SRPK2: variants seen among roughly 807,000 people sequenced by gnomAD.
The protein encoded by SRPK2 is SRSF protein kinase 2.
SRPK2 carries 21 observed loss-of-function variants against 90.8 expected under a neutral mutation model. The ratio of observed to expected loss-of-function variants is 0.23; its 90% CI spans 0.16 to 0.33. The LOEUF (loss-of-function observed/expected upper bound fraction) is 0.33, where lower values mean the gene tolerates loss of function less well. Among genes scored for constraint, SRPK2 ranks in the 10% least tolerant of loss-of-function variants. The pLI, the probability that SRPK2 is intolerant of heterozygous loss-of-function variation, is 1.00. For missense variants in SRPK2, 620 were observed against 869.0 expected (o/e 0.71, Z 3.60); for synonymous variants, 288 against 311.1 (o/e 0.93, Z 0.78).
intron 2 of SRPK2, among the ~76,000 whole-genome samples, chr7:105,343,399 A>G (rs1254885121): frequency 2.0e-5 from 3 of 152,102 alleles, no homozygotes; most frequent in Non-Finnish European, 4.4e-5. Context: ...TCACCAATGT[A>G]CTCCAGCCTG....
intron 2 of SRPK2, among the ~76,000 whole-genome samples, chr7:105,233,281 G>C (rs1799743153): frequency 6.6e-6 from 1 of 152,154 alleles, no homozygotes; most frequent in African/African-American, 2.4e-5. Flanking sequence ...CAGTTGACAA[G>C]AGAATGCAGA....
At chr7:105,204,526 T>G (rs1209926730) in intron 2 of SRPK2, 40 of 394,174 alleles carry the variant, frequency 1.0e-4, no homozygotes, top group Non-Finnish European at 2.0e-5. Context: ...ACAGTCTCAA[T>G]CTGGATGCCG....
At chr7:105,173,560 C>G (rs1791428379) in intron 3 of SRPK2, among the ~76,000 whole-genome samples, 1 of 152,150 alleles carries the variant, frequency 6.6e-6, no homozygotes, top group Non-Finnish European at 1.5e-5. Context: ...AATGAACACT[C>G]CAGTAACTCC....
intron 11 of SRPK2, among the ~76,000 whole-genome samples, chr7:105,134,418 T>TC (rs1464114552): frequency 6.6e-6 from 1 of 152,166 alleles, no homozygotes; most frequent in African/African-American, 2.4e-5. Flanking sequence ...TCCTAAGGCC[T>TC]CCCCAGCCAT....
rs71519197 is a variant in SRPK2, at chr7:105,124,640, T to TTAAAAAAAAAA, written c.1915+1607_1915+1608insTTTTTTTTTTA. On this transcript the variant is annotated intron_variant, in intron 15 of 15. Transcript: ENST00000393651. ...TGGACAACAAGAGCAAAACTCCATC[T>TTAAAAAAAAAA]AAAAAAAAAAAAAAAAAAATCAATG... is the stretch of plus-strand genomic sequence containing the variant. Among the ~76,000 whole-genome samples the TTAAAAAAAAAA allele has an allele frequency of 5.9e-4, 31 of 52,932 alleles. 3 individuals are homozygous for TTAAAAAAAAAA. The highest frequency in any genetic ancestry group is 1.8e-3 in the African/African-American group (30 of 16,252). The allele number at this position is 52,932 out of a possible 152,430, so 34.7% of individuals were successfully genotyped here.
intron 2 of SRPK2, among the ~76,000 whole-genome samples, chr7:105,335,565 G>A (rs1327590076): frequency 6.6e-6 from 1 of 151,644 alleles, no homozygotes; most frequent in Non-Finnish European, 1.5e-5. Flanking sequence ...GCTGAGGTGG[G>A]AGGCTCGACT....
At chr7:105,264,341 G>C (rs1305976048) in intron 2 of SRPK2, among the ~76,000 whole-genome samples, 1 of 152,100 alleles carries the variant, frequency 6.6e-6, no homozygotes, top group African/African-American at 2.4e-5. Context: ...AATAAGAAGA[G>C]AACAATTAAA....
intron 2 of SRPK2, among the ~76,000 whole-genome samples, chr7:105,265,993 G>C (rs1805017094): frequency 6.6e-6 from 1 of 151,830 alleles, no homozygotes; most frequent in Admixed American, 6.6e-5. Context: ...TGATAGTTTT[G>C]ATCTTAGGAG....
intron 2 of SRPK2, among the ~76,000 whole-genome samples, chr7:105,247,513 A>AAACACGCACACACAC (rs1563140911): frequency 2.6e-4 from 23 of 88,416 alleles, no homozygotes; most frequent in Middle Eastern, 5.4e-3. Context: ...TACATACCAA[A>AAACACGCACACACAC]AAACACACAC....
chr7:105,216,502 G>A (rs959954317), intron 2 of SRPK2, among the ~76,000 whole-genome samples: 5 of 151,942 alleles, frequency 3.3e-5, no homozygotes, highest in Non-Finnish European at 5.9e-5. Context: ...AAAAATACAA[G>A]TATTAGCAGG....
At chr7:105,203,396 A>G (rs1209213770) in intron 3 of SRPK2, among the ~76,000 whole-genome samples, 1 of 152,232 alleles carries the variant, frequency 6.6e-6, no homozygotes, top group Non-Finnish European at 1.5e-5. Context: ...ATATGTATGT[A>G]CAAATACATG....
chr7:105,350,066 T>A (rs1816973758), intron 2 of SRPK2, among the ~76,000 whole-genome samples: 1 of 150,658 alleles, frequency 6.6e-6, no homozygotes, highest in Admixed American at 6.7e-5. Flanking sequence ...ACAGCAGGCA[T>A]TATGCTAAAT....
chr7:105,120,909 A>G (rs1378956193), intron 15 of SRPK2, among the ~76,000 whole-genome samples: 1 of 152,230 alleles, frequency 6.6e-6, no homozygotes, highest in Non-Finnish European at 1.5e-5. Flanking sequence ...TCCATGAGCC[A>G]GCTCCAGCCC....
At chr7:105,182,328 C>A (rs939941924) in intron 3 of SRPK2, among the ~76,000 whole-genome samples, 1 of 151,164 alleles carries the variant, frequency 6.6e-6, no homozygotes, top group African/African-American at 2.4e-5. Flanking sequence ...ACAAGCACAG[C>A]AGTTTAAGGT....
intron 2 of SRPK2, among the ~76,000 whole-genome samples, chr7:105,309,203 G>T (rs1811447915): frequency 6.7e-6 from 1 of 150,088 alleles, no homozygotes; most frequent in Non-Finnish European, 1.5e-5. Context: ...ACTTCTTCAG[G>T]CAAGTCTATA....
At chr7:105,355,235 C>T (rs1174534096) in intron 2 of SRPK2, among the ~76,000 whole-genome samples, 3 of 152,142 alleles carry the variant, frequency 2.0e-5, no homozygotes, top group South Asian at 4.1e-4. Flanking sequence ...GTGGCTAACG[C>T]CTATAATCCT....
intron 2 of SRPK2, among the ~76,000 whole-genome samples, chr7:105,247,712 A>C (rs1038354998): frequency 9.6e-5 from 7 of 72,760 alleles, no homozygotes; most frequent in African/African-American, 3.1e-4. Flanking sequence ...TTAACCACCT[A>C]TTTTTTTTAA....
chr7:105,125,232 A>G (rs2129573208), intron 15 of SRPK2, among the ~76,000 whole-genome samples: 1 of 152,254 alleles, frequency 6.6e-6, no homozygotes, highest in African/African-American at 2.4e-5. Flanking sequence ...TGGGGACTAT[A>G]CTGGGCAAAT....
chr7:105,196,622 C>T lies in SRPK2; in HGVS notation c.229+7006G>A, dbSNP rs73405840. On this transcript the variant is annotated intron_variant, in intron 3 of 15. Transcript: ENST00000393651. ...TGGACTCCCAGGGGTCAAAACCGCA[C>T]CCAGCGAAGAACCTCTGATGTAACA... Among the ~76,000 whole-genome samples the T allele has an allele frequency of 3.2e-3, 488 of 152,362 alleles. 2 individuals are homozygous for T. Among genetic ancestry groups the T allele is most frequent in the African/African-American group, 0.011 (469 of 41,586 alleles).
Sources: allele counts gnomAD v4.1 joint callset (sites outside exome capture counted in the v4.1 genomes callset), GRCh38; gene constraint gnomAD v4.1.1; transcripts MANE v1.5; gene names NCBI Gene and HGNC (gene_info 2026-07-23, HGNC 2026-07-21).